The following TRAF3 variants were observed in gnomAD, a reference collection of about 807,000 sequenced individuals.
TRAF3 encodes TNF receptor-associated factor 3.
Under a neutral mutation model 62.3 loss-of-function variants are expected in TRAF3, and 13 were observed. That is an observed-to-expected ratio of 0.21 (90% CI 0.14 to 0.33). TRAF3 has a LOEUF of 0.33. Ranked by LOEUF, TRAF3 falls within the 10% of genes least tolerant of loss-of-function variation. The pLI is 1.00. For missense variants in TRAF3, 440 were observed against 741.8 expected (o/e 0.59, Z 4.73); for synonymous variants, 269 against 283.4 (o/e 0.95, Z 0.51).
intron 1 of TRAF3, among the ~76,000 whole-genome samples, chr14:102,823,497 C>CT (rs1461184832): frequency 1.3e-5 from 2 of 151,986 alleles, no homozygotes; most frequent in African/African-American, 4.8e-5. Context: ...AGTTGTTGAA[C>CT]TTTTAGATTT....
chr14:102,781,100 T>C (rs1040250942), intron 1 of TRAF3, among the ~76,000 whole-genome samples: 4 of 152,182 alleles, frequency 2.6e-5, no homozygotes, highest in Admixed American at 6.5e-5. Context: ...GAGAAAGTCT[T>C]CTGGGAAGCG....
rs573245510 is a variant in TRAF3 at position 102,897,739 on chromosome 14, T to C, written c.960+338T>C. Among the ~76,000 whole-genome samples the C allele has an allele frequency of 1.4e-4, 22 of 152,372 alleles. No homozygotes were observed. In the South Asian group the frequency reaches 4.3e-3, roughly 30 times the overall value. On this transcript the variant is annotated intron_variant, in intron 10 of 11. Coordinates refer to ENST00000392745, the MANE Select transcript of TRAF3 (RefSeq NM_145725.3). The stretch of plus-strand genomic sequence containing the variant: ...ATTATTTAAGATTTCATATTGTTCA[T>C]GAGTAGTTGCTGTGTGCAAAGTCTC...
intron 1 of TRAF3, among the ~76,000 whole-genome samples, chr14:102,798,532 C>A (rs1271085681): frequency 6.6e-6 from 1 of 152,074 alleles, no homozygotes; most frequent in African/African-American, 2.4e-5. Flanking sequence ...TCCAGCTCCT[C>A]AGGAGGCTGA....
At chr14:102,874,250 A>G (rs1426395970) in intron 4 of TRAF3, among the ~76,000 whole-genome samples, 1 of 152,192 alleles carries the variant, frequency 6.6e-6, no homozygotes, top group Non-Finnish European at 1.5e-5. Context: ...TGGGTGACAG[A>G]GTGAAACCCA....
At chr14:102,848,932 G>A (rs2139717814) in intron 2 of TRAF3, among the ~76,000 whole-genome samples, 1 of 152,294 alleles carries the variant, frequency 6.6e-6, no homozygotes, top group South Asian at 2.1e-4. Context: ...CTGCACTGAT[G>A]TGAGATCCAG....
chr14:102,799,191 G>A (rs1898255821), intron 1 of TRAF3, among the ~76,000 whole-genome samples: 1 of 152,072 alleles, frequency 6.6e-6, no homozygotes, highest in African/African-American at 2.4e-5. Context: ...TAGTGCTGTG[G>A]AAGTCCTGCT....
In TRAF3 at chr14:102,905,711, A is replaced by G. The variant is rs144637377; in HGVS notation, c.1634A>G (p.Asn545Ser). ...TTTGTGGCCCAAACTGTTCTAGAAA[A>G]TGGGACATATATTAAAGATGATACA... Reference protein sequence around the residue: ...PVFVAQTVLENGTYIKDDTIF... With the variant: ...PVFVAQTVLESGTYIKDDTIF... Residue 545 changes from asparagine to serine, a missense_variant, in exon 12 of 12, where the codon AAT (asparagine) becomes AGT (serine). Transcript: ENST00000392745. 36 of 1,612,432 alleles carry G rather than the reference A, an allele frequency of 2.2e-5. No individual in the cohort carries two copies. The highest frequency in any genetic ancestry group is 3.0e-5 in the Non-Finnish European group (35 of 1,178,754).
chr14:102,814,886 G>C lies in TRAF3; in HGVS notation c.-156-15448G>C, dbSNP rs115710362. Among the ~76,000 whole-genome samples the C allele has an allele frequency of 9.0e-3, 1,365 of 152,282 alleles. 27 individuals carry two copies. The highest frequency in any genetic ancestry group is 0.03 in the African/African-American group (1,252 of 41,540). ...AGTTTTTAACTTTAAATGAAGTCCA[G>C]TTTATCTACTTTTTCTTTGGCTTAT... is the stretch of plus-strand genomic sequence containing the variant. On this transcript the variant is annotated intron_variant, in intron 1 of 11. Transcript: ENST00000392745.
At chr14:102,865,086 C>A (rs1294207891) in intron 2 of TRAF3, among the ~76,000 whole-genome samples, 1 of 152,174 alleles carries the variant, frequency 6.6e-6, no homozygotes, top group Admixed American at 6.5e-5. Flanking sequence ...GGGATTCTTA[C>A]ACTTCAGATC....
intron 2 of TRAF3, among the ~76,000 whole-genome samples, chr14:102,867,376 T>G (rs1233641533): frequency 1.3e-5 from 2 of 152,240 alleles, no homozygotes; most frequent in Non-Finnish European, 2.9e-5. Context: ...GGATTTGATT[T>G]GCAGGCTGTA....
At chr14:102,856,007 G>A (rs2139755679) in intron 2 of TRAF3, among the ~76,000 whole-genome samples, 1 of 148,844 alleles carries the variant, frequency 6.7e-6, no homozygotes, top group South Asian at 2.1e-4. Flanking sequence ...TGGGAGGATT[G>A]CCTGAGCCCA....
intron 1 of TRAF3, among the ~76,000 whole-genome samples, chr14:102,824,472 C>T (rs990617427): frequency 1.5e-4 from 23 of 152,250 alleles, no homozygotes; most frequent in African/African-American, 5.3e-4. Context: ...GTTCTGTGGC[C>T]CCAGTGGCAC....
intron 1 of TRAF3, among the ~76,000 whole-genome samples, chr14:102,822,685 G>A (rs1049663437): frequency 1.3e-5 from 2 of 152,110 alleles, no homozygotes; most frequent in African/African-American, 4.8e-5. Flanking sequence ...ATTGTGAGTC[G>A]ACATGATTCT....
rs998906163 is a variant in TRAF3, at chr14:102,800,983, G to A, written c.-157+23308G>A. Among the ~76,000 whole-genome samples, 9 of 150,796 alleles carry A rather than the reference G, an allele frequency of 6.0e-5. No homozygotes were observed. In the East Asian group the frequency reaches 1.6e-3, roughly 26 times the overall value. On this transcript the variant is annotated intron_variant, in intron 1 of 11. Coordinates refer to ENST00000392745, the MANE Select transcript of TRAF3 (RefSeq NM_145725.3). ...CACGAGGTCAGGAGATCGAGACCAC[G>A]GTGAAACCCCGTCTCTACTAAAAAT...
chr14:102,851,322 A>G (rs1403750670), intron 2 of TRAF3, among the ~76,000 whole-genome samples: 5 of 152,208 alleles, frequency 3.3e-5, no homozygotes, highest in African/African-American at 9.7e-5. Flanking sequence ...GGTTTTTACA[A>G]TCCTTCCAAA....
chr14:102,783,921 T>C (rs1021104760), intron 1 of TRAF3, among the ~76,000 whole-genome samples: 2 of 152,170 alleles, frequency 1.3e-5, no homozygotes, highest in African/African-American at 2.4e-5. Flanking sequence ...ATGAGTAAGA[T>C]GGATGGGAAA....
intron 1 of TRAF3, among the ~76,000 whole-genome samples, chr14:102,800,800 A>G (rs1342503432): frequency 6.7e-6 from 1 of 149,956 alleles, no homozygotes; most frequent in African/African-American, 2.5e-5. Context: ...ATCTCAAGAG[A>G]TCTTCCCACC....
chr14:102,791,813 CTT>C (rs112341301), intron 1 of TRAF3, among the ~76,000 whole-genome samples: 1 of 146,266 alleles, frequency 6.8e-6, no homozygotes. Flanking sequence ...TCTTTCTTTC[CTT>C]TTTTTTTTTG....
intron 6 of TRAF3, among the ~76,000 whole-genome samples, chr14:102,879,768 T>G (rs1209213666): frequency 2.0e-5 from 3 of 152,078 alleles, no homozygotes; most frequent in African/African-American, 7.2e-5. Flanking sequence ...GTCCATGTCT[T>G]TCTTCCATTG....
Sources: gnomAD v4.1 joint callset for allele counts (sites outside exome capture counted in the v4.1 genomes callset) on GRCh38, gnomAD v4.1.1 for gene constraint, MANE v1.5 for transcripts, NCBI Gene and HGNC (gene_info 2026-07-23, HGNC 2026-07-21) for gene names.